Variants in TRPM3 observed in about 807,000 individuals in gnomAD.
The protein encoded by TRPM3 is transient receptor potential cation channel subfamily M member 3.
In TRPM3, 77 loss-of-function variants were observed where a neutral mutation model predicts 181.2. That is an observed-to-expected ratio of 0.42 (90% CI 0.35 to 0.51). TRPM3 has a LOEUF of 0.51. Among genes scored for constraint, TRPM3 ranks in the 20% least tolerant of loss-of-function variants. The pLI, the probability that TRPM3 is intolerant of heterozygous loss-of-function variation, is 0.01. For synonymous variants in TRPM3, 745 were observed against 796.4 expected, an observed-to-expected ratio of 0.94 and a Z score of 1.09; for missense variants, 1,759 against 2,196.7, an observed-to-expected ratio of 0.80 and a Z score of 3.98.
intron 1 of TRPM3, among the ~76,000 whole-genome samples, chr9:71,017,716 A>G (rs1402485704): frequency 1.3e-5 from 2 of 151,852 alleles, no homozygotes; most frequent in South Asian, 2.1e-4. Context: ...GATAGACCCA[A>G]TAAAAGATAG....
intron 1 of TRPM3, among the ~76,000 whole-genome samples, chr9:70,900,199 C>T (rs191056233): frequency 1.4e-3 from 209 of 152,090 alleles, no homozygotes; most frequent in Admixed American, 2.7e-3. Context: ...AAACACAGCT[C>T]ATGGTTTAAA....
chr9:71,002,978 T>C (rs2097626746), intron 1 of TRPM3, among the ~76,000 whole-genome samples: 1 of 152,204 alleles, frequency 6.6e-6, no homozygotes, highest in Admixed American at 6.5e-5. Context: ...TCCAGGACTC[T>C]ATCAAGAATT....
At chr9:70,981,982 G>A (rs1315095963) in intron 1 of TRPM3, among the ~76,000 whole-genome samples, 4 of 152,150 alleles carry the variant, frequency 2.6e-5, no homozygotes, top group Admixed American at 6.5e-5. Flanking sequence ...ATATACTGGT[G>A]TAACTCAAGC....
chr9:71,225,326 G>A (rs765379663), intron 1 of TRPM3, among the ~76,000 whole-genome samples: 7 of 151,832 alleles, frequency 4.6e-5, no homozygotes, highest in South Asian at 2.1e-4. Flanking sequence ...GTGGCATGAC[G>A]TAAAGTGGTG....
At chr9:71,290,996 AAC>A (rs1477409062) in intron 1 of TRPM3, among the ~76,000 whole-genome samples, 2 of 152,200 alleles carry the variant, frequency 1.3e-5, no homozygotes, top group African/African-American at 4.8e-5. Flanking sequence ...AAACTCTAAA[AAC>A]ACAGATGATA....
At chr9:70,884,462 G>A (rs1035808555) in intron 1 of TRPM3, among the ~76,000 whole-genome samples, 1 of 152,232 alleles carries the variant, frequency 6.6e-6, no homozygotes, top group Admixed American at 6.5e-5. Context: ...GACCAGGCAA[G>A]CAGGGGCAGA....
intron 1 of TRPM3, among the ~76,000 whole-genome samples, chr9:71,127,425 G>A (rs1325736847): frequency 6.6e-6 from 1 of 152,088 alleles, no homozygotes; most frequent in Non-Finnish European, 1.5e-5. Context: ...AAGAAATGAG[G>A]AGGGACTGGA....
At chr9:71,267,296 C>A (rs1018869226) in intron 1 of TRPM3, among the ~76,000 whole-genome samples, 4 of 152,128 alleles carry the variant, frequency 2.6e-5, no homozygotes, top group Non-Finnish European at 4.4e-5. Flanking sequence ...TGACAATTAT[C>A]AAAAATGTAG....
intron 1 of TRPM3, among the ~76,000 whole-genome samples, chr9:71,101,109 C>T (rs1356670223): frequency 3.3e-5 from 5 of 152,134 alleles, no homozygotes; most frequent in African/African-American, 7.2e-5. Context: ...CTTATTCTCT[C>T]GAAATAATAC....
chr9:71,284,414 T>C (rs956796412), intron 1 of TRPM3, among the ~76,000 whole-genome samples: 11 of 152,198 alleles, frequency 7.2e-5, no homozygotes, highest in Non-Finnish European at 1.5e-4. Flanking sequence ...CATCCTTATA[T>C]GTGAAGAAAA....
At chr9:71,058,429 A>T (rs1316042860) in intron 1 of TRPM3, among the ~76,000 whole-genome samples, 1 of 152,024 alleles carries the variant, frequency 6.6e-6, no homozygotes, top group African/African-American at 2.4e-5. Flanking sequence ...AATCAAATGG[A>T]TACAGTGCTT....
intron 21 of TRPM3, among the ~76,000 whole-genome samples, chr9:70,592,675 C>T (rs1454607036): frequency 2.0e-5 from 3 of 152,138 alleles, no homozygotes; most frequent in South Asian, 2.1e-4. Context: ...AAGCCTAATG[C>T]TAATTTTATC....
In TRPM3 at chr9:71,172,335, C is replaced by G. The variant is rs573120270; in HGVS notation, c.183+274318G>C. On this transcript the variant is annotated intron_variant, in intron 1 of 24. Transcript: ENST00000357533. ...GAGGAACTTGTTAAAACAAACAAAA[C>G]AAACAGAATAAATGTCTTTAATAGT... 3.9e-5 allele frequency among the ~76,000 whole-genome samples: 6 copies of G among 152,232 alleles called. No individual in the cohort carries two copies. The South Asian group carries it at 1.2e-3, about 32-fold the overall frequency.
At chr9:70,575,204 A>G (rs1315357846) in intron 22 of TRPM3, among the ~76,000 whole-genome samples, 2 of 151,396 alleles carry the variant, frequency 1.3e-5, no homozygotes, top group African/African-American at 4.9e-5. Context: ...CTCATTTTAA[A>G]TGAACATAAA....
At chr9:70,577,686 C>T (rs2054401515) in intron 22 of TRPM3, among the ~76,000 whole-genome samples, 1 of 152,210 alleles carries the variant, frequency 6.6e-6, no homozygotes, top group East Asian at 1.9e-4. Flanking sequence ...AAAGCAGTGA[C>T]ATTTTCAGCA....
In TRPM3 at chr9:70,604,036, T is replaced by TAATC. The variant is rs531279117; in HGVS notation, c.2668-570_2668-567dup. On this transcript the variant is annotated intron_variant, in intron 19 of 25. Transcript: ENST00000677713. Reference sequence around the variant, plus strand: ...TTTTCATTTCACCACTTTCCTGTCCTAATCAAGTTAAGATAAGATATTCCT... The same window carrying TAATC: ...TTTTCATTTCACCACTTTCCTGTCCTAATCAATCAAGTTAAGATAAGATATTCCT... 5.3e-5 allele frequency among the ~76,000 whole-genome samples: 8 copies of TAATC among 152,364 alleles called. No individual in the cohort carries two copies. The South Asian group carries it at 1.7e-3, about 32-fold the overall frequency.
intron 8 of TRPM3, among the ~76,000 whole-genome samples, chr9:70,743,122 A>AT (rs2074468598): frequency 6.6e-6 from 1 of 152,138 alleles, no homozygotes; most frequent in African/African-American, 2.4e-5. Context: ...ATATTCACAG[A>AT]TTTTTCAAAA....
chr9:70,926,099 C>T (rs2096718945), intron 1 of TRPM3, among the ~76,000 whole-genome samples: 1 of 151,884 alleles, frequency 6.6e-6, no homozygotes. Flanking sequence ...ATCCATGTTT[C>T]AAAAAGGCCA....
intron 1 of TRPM3, among the ~76,000 whole-genome samples, chr9:71,339,752 T>C (rs1000323604): frequency 6.6e-6 from 1 of 151,976 alleles, no homozygotes; most frequent in Non-Finnish European, 1.5e-5. Flanking sequence ...GGGAGAAAAG[T>C]TGACTCTGAG....
Sources: allele counts gnomAD v4.1 joint callset (sites outside exome capture counted in the v4.1 genomes callset), GRCh38; gene constraint gnomAD v4.1.1; transcripts MANE v1.5; gene names NCBI Gene and HGNC (gene_info 2026-07-23, HGNC 2026-07-21).